Variants in MYH6 observed in about 807,000 individuals in gnomAD.
MYH6 encodes myosin-6.
Under a neutral mutation model 223.2 loss-of-function variants are expected in MYH6, and 126 were observed. That is an observed-to-expected ratio of 0.56 (90% CI 0.49 to 0.65). The LOEUF is 0.65. Ranked by LOEUF, MYH6 falls within the 30% of genes least tolerant of loss-of-function variation. The probability of loss-of-function intolerance (pLI) is 0.00; values close to 1 mark genes in which losing one functional copy is unlikely to be tolerated. For synonymous variants in MYH6, 978 were observed against 1,010.2 expected, an observed-to-expected ratio of 0.97 and a Z score of 0.61; for missense variants, 2,040 against 2,536.4, an observed-to-expected ratio of 0.80 and a Z score of 4.20.
chr14:23,403,354 A>T lies in MYH6; in HGVS notation c.892T>A (p.Leu298Met). 1 of 1,613,802 alleles carries T rather than the reference A, an allele frequency of 6.2e-7. No individual in the cohort carries two copies. The highest frequency in any genetic ancestry group is 1.3e-5 in the African/African-American group (1 of 74,936). The part of the protein sequence containing the change: ...YQILSNKKPE[L>M]LDMLLVTNNP... ...GGGTGGCAGGCAGGTTCACCCAGCA[A>T]CTCCGGCTTCTTGTTGGACAGAATC... The change falls in exon 10 of 39, where the codon TTG becomes ATG. Residue 298 changes from leucine to methionine, a missense_variant. Coordinates refer to ENST00000405093, the MANE Select transcript of MYH6 (RefSeq NM_002471.4).
rs568275249 is a variant in MYH6 at position 23,388,951 on chromosome 14, G to A, written c.4083C>T (p.Arg1361=). 18 of 1,613,732 alleles carry A rather than the reference G, an allele frequency of 1.1e-5. No individual in the cohort carries two copies. Among genetic ancestry groups the A allele is most frequent in the South Asian group, 5.5e-5 (5 of 91,048 alleles). The change falls in exon 29 of 39, where the codon CGC becomes CGT. Residue 1361 remains arginine, a synonymous_variant. Transcript: ENST00000405093. ...EETEAKAELQ[R]VLSKANSEVA... is the part of the protein sequence containing the mutation. ...CCTCCGAGTTGGCCTTGGACAGGAC[G>A]CGCTGCAGCTCGGCCTTGGCCTCTG...
At chr14:23,389,318 G>A in intron 28 of MYH6, 75 bp downstream of exon 28, 2 of 1,509,694 alleles carry the variant, frequency 1.3e-6, no homozygotes, top group East Asian at 4.5e-5. Flanking sequence ...CCAGCTCCAG[G>A]CTCCATTTCT....
intron 15 of MYH6, 85 bp from the exon 16 acceptor site, chr14:23,397,698 G>GT: frequency 7.3e-7 from 1 of 1,375,100 alleles, no homozygotes; most frequent in East Asian, 2.3e-5. Flanking sequence ...TGCTCGCTTG[G>GT]TAGCTCTGAG....
rs778576453 is a variant in MYH6, at chr14:23,393,681, A to G, written c.2913T>C (p.His971=). The change falls in exon 22 of 39, where the codon CAT becomes CAC. Residue 971 remains histidine (H), a synonymous_variant. Coordinates refer to ENST00000405093, the MANE Select transcript of MYH6 (RefSeq NM_002471.4). ...CTGCCCTCACCTTGTTCTCTGTTGC[A>G]TGCTTCTCCTTCTCCACCTTGGCCA... is the stretch of plus-strand genomic sequence containing the variant. ...LTLAKVEKEK[H]ATENKVKNLT... 2 of 1,614,070 alleles carry G rather than the reference A, an allele frequency of 1.2e-6. No homozygotes were observed. The highest frequency in any genetic ancestry group is 1.1e-5 in the South Asian group (1 of 91,080).
chr14:23,391,407 G>A (rs1332599120), intron 25 of MYH6, among the ~76,000 whole-genome samples: 1 of 152,194 alleles, frequency 6.6e-6, no homozygotes, highest in Admixed American at 6.5e-5. Flanking sequence ...TGTCCAAGAG[G>A]CCAAACAAGT....
At chr14:23,384,419 C>T in intron 36 of MYH6, 23 bp downstream of exon 36, 1 of 1,607,398 alleles carries the variant, frequency 6.2e-7, no homozygotes, top group Non-Finnish European at 8.5e-7. Context: ...ACATCTACTC[C>T]TGGTGTCTGG....
At position 23,397,217 on chromosome 14, in the gene MYH6, TG is replaced by T. The variant is rs1287808584; in HGVS notation, c.2002del (p.His668IlefsTer18). The T allele has an allele frequency of 6.2e-7, 1 of 1,614,190 alleles. No individual in the cohort carries two copies. Among genetic ancestry groups the T allele is most frequent in the Non-Finnish European group, 8.5e-7 (1 of 1,180,024 alleles). ...NKLMTNLRTT[H>X]PHFVRCIIPN... ...GATGATGCAACGCACAAAGTGAGGA[TG>T]GGTGGTCCTCAGGTTGGTCATTAGC... is the stretch of plus-strand genomic sequence containing the variant. On this transcript the variant is annotated frameshift_variant, in exon 17 of 39. Transcript: ENST00000405093. LOFTEE classifies it high-confidence loss of function.
In MYH6 at chr14:23,386,367, C is replaced by A; in HGVS notation, c.4907G>T (p.Arg1636Leu). The change falls in exon 33 of 39, where the codon CGC becomes CTC. Residue 1636 changes from arginine to leucine, a missense_variant. Coordinates refer to ENST00000405093, the MANE Select transcript of MYH6 (RefSeq NM_002471.4). ...EMEIQLSHAN[R>L]MAAEAQKQVK... ...TTGCTTCTGGGCCTCGGCAGCCATG[C>A]GGTTGGCGTGGCTGAGCTGGATCTC... 6.2e-7 allele frequency: 1 copy of A among 1,614,128 alleles called. No homozygotes were observed. Among genetic ancestry groups the A allele is most frequent in the Non-Finnish European group, 8.5e-7 (1 of 1,180,010 alleles).
intron 16 of MYH6, 102 bp from the exon 17 acceptor site, chr14:23,397,359 C>CA: frequency 7.6e-7 from 1 of 1,320,358 alleles, no homozygotes; most frequent in Non-Finnish European, 1.1e-6. Flanking sequence ...ATCAAAGGGA[C>CA]AGGGGCTGCC....
intron 37 of MYH6, 109 bp from the exon 38 acceptor site, chr14:23,382,671 T>C (rs2138578576): frequency 1.3e-6 from 2 of 1,481,924 alleles, no homozygotes; most frequent in African/African-American, 1.4e-5. Context: ...CCATACCTCA[T>C]GCATATTCCT....
intron 36 of MYH6, among the ~76,000 whole-genome samples, chr14:23,384,189 T>TA (rs34577405): frequency 0.17 from 24,076 of 140,784 alleles, 2,030 homozygotes; most frequent in South Asian, 0.3. Context: ...TTAGAGTTAT[T>TA]AAAAAAAAAA....
intron 14 of MYH6, chr14:23,399,995 C>G (rs371157421): frequency 8.6e-5 from 47 of 548,366 alleles, no homozygotes; most frequent in East Asian, 5.3e-4. Flanking sequence ...TCAGAGGGGC[C>G]AGGGGCCTCT....
rs374804283 is a variant in MYH6, at chr14:23,402,615, G to A, written c.1003-13C>T. Reference sequence around the variant, plus strand: ...CGTCAAAGGCACTCTGGGACAGAGCGAGAGACAAAGAGGGGGGTTGGAGCG... The same window carrying A: ...CGTCAAAGGCACTCTGGGACAGAGCAAGAGACAAAGAGGGGGGTTGGAGCG... On this transcript the variant is annotated splice_polypyrimidine_tract_variant and intron_variant, in intron 11 of 38. Coordinates refer to ENST00000405093, the MANE Select transcript of MYH6 (RefSeq NM_002471.4). 1.4e-5 allele frequency: 23 copies of A among 1,613,814 alleles called. No homozygotes were observed. Among genetic ancestry groups the A allele is most frequent in the Non-Finnish European group, 1.6e-5 (19 of 1,179,970 alleles).
intron 14 of MYH6, among the ~76,000 whole-genome samples, chr14:23,399,279 A>AC (rs1213869881): frequency 1.3e-5 from 2 of 151,988 alleles, no homozygotes; most frequent in African/African-American, 4.8e-5. Flanking sequence ...ATCACCCCCC[A>AC]CAAGGCCCAC....
chr14:23,392,753 C>A (rs747728118), intron 24 of MYH6, 101 bp from the exon 25 acceptor site: 1 of 1,448,958 alleles, frequency 6.9e-7, no homozygotes, highest in Non-Finnish European at 9.6e-7. Context: ...GCACCTCCCC[C>A]TCCCCTCGCC....
intron 13 of MYH6, 111 bp downstream of exon 13, chr14:23,400,598 C>T: frequency 6.3e-7 from 1 of 1,592,534 alleles, no homozygotes. Context: ...TGTCACCACA[C>T]AGTCCCCACT....
intron 1 of MYH6, 46 bp downstream of exon 1, chr14:23,408,207 C>A (rs867953151): frequency 7.5e-5 from 74 of 984,834 alleles, no homozygotes; most frequent in Middle Eastern, 1.0e-3. Flanking sequence ...ACGGTGGGGG[C>A]TCTGTGGACG....
At chr14:23,395,984 A>G (rs755494292) in intron 20 of MYH6, among the ~76,000 whole-genome samples, 1 of 151,854 alleles carries the variant, frequency 6.6e-6, no homozygotes, top group Non-Finnish European at 1.5e-5. Context: ...TTTTATTTTT[A>G]TCTACTTGTT....
chr14:23,388,478 C>G, intron 29 of MYH6, 140 bp from the exon 30 acceptor site: 1 of 1,381,994 alleles, frequency 7.2e-7, no homozygotes, highest in Non-Finnish European at 1.0e-6. Flanking sequence ...CCTGCTCATG[C>G]CTGGAACAGA....
Sources: allele counts gnomAD v4.1 joint callset (sites outside exome capture counted in the v4.1 genomes callset), GRCh38; gene constraint gnomAD v4.1.1; transcripts MANE v1.5; gene names NCBI Gene and HGNC (gene_info 2026-07-23, HGNC 2026-07-21).